The following NRG1 variants were observed in gnomAD, a reference collection of about 807,000 sequenced individuals.
The protein encoded by NRG1 is pro-neuregulin-1, membrane-bound isoform.
Under a neutral mutation model 63.8 loss-of-function variants are expected in NRG1, and 18 were observed. That is an observed-to-expected ratio of 0.28 (90% confidence interval 0.19 to 0.42). The LOEUF (loss-of-function observed/expected upper bound fraction) is 0.42, where lower values mean the gene tolerates loss of function less well. NRG1 is among the 10% of genes least tolerant of loss of function. The probability of loss-of-function intolerance (pLI) is 1.00; values close to 1 mark genes in which losing one functional copy is unlikely to be tolerated. For missense variants in NRG1, 762 were observed against 814.7 expected, an observed-to-expected ratio of 0.94 and a Z score of 0.79; for synonymous variants, 302 against 301.3, an observed-to-expected ratio of 1.00 and a Z score of -0.02.
intron 1 of NRG1, among the ~76,000 whole-genome samples, chr8:32,570,523 A>G (rs989691913): frequency 2.0e-5 from 3 of 152,298 alleles, no homozygotes; most frequent in South Asian, 2.1e-4. Context: ...GGTGTTGTCC[A>G]CTACTTGAAC....
intron 6 of NRG1, among the ~76,000 whole-genome samples, chr8:32,731,649 GT>G (rs1823702893): frequency 6.6e-6 from 1 of 151,986 alleles, no homozygotes; most frequent in African/African-American, 2.4e-5. Context: ...TTTAAATCCT[GT>G]ATGTAAAATA....
At chr8:32,315,207 C>T (rs79013360) in intron 1 of NRG1, among the ~76,000 whole-genome samples, 1 of 152,172 alleles carries the variant, frequency 6.6e-6, no homozygotes, top group African/African-American at 2.4e-5. Flanking sequence ...GCCCCACACG[C>T]ATTAGCTGTT....
At chr8:32,401,106 A>T (rs1813131134) in intron 1 of NRG1, among the ~76,000 whole-genome samples, 1 of 152,136 alleles carries the variant, frequency 6.6e-6, no homozygotes, top group Non-Finnish European at 1.5e-5. Flanking sequence ...ACCTATGGAT[A>T]CATGGAGGGG....
chr8:31,657,970 A>G (rs529143884), intron 1 of NRG1, among the ~76,000 whole-genome samples: 1 of 152,300 alleles, frequency 6.6e-6, no homozygotes, highest in African/African-American at 2.4e-5. Context: ...CAACGTGGGT[A>G]CCTGTTGCTA....
At chr8:31,650,011 C>T (rs939295901) in intron 1 of NRG1, among the ~76,000 whole-genome samples, 26 of 152,124 alleles carry the variant, frequency 1.7e-4, no homozygotes, top group African/African-American at 6.0e-4. Context: ...CAGGGTCTTG[C>T]TCTGTCATCC....
At chr8:32,251,960 G>A (rs1258374681) in intron 1 of NRG1, among the ~76,000 whole-genome samples, 4 of 151,862 alleles carry the variant, frequency 2.6e-5, no homozygotes, top group East Asian at 1.9e-4. Context: ...CAGTGATGAC[G>A]ATTTTTTCAT....
intron 1 of NRG1, among the ~76,000 whole-genome samples, chr8:31,707,585 A>G (rs887935438): frequency 6.6e-6 from 1 of 152,136 alleles, no homozygotes; most frequent in Non-Finnish European, 1.5e-5. Context: ...TGCTGTCTTT[A>G]TGATCTCGAA....
intron 1 of NRG1, among the ~76,000 whole-genome samples, chr8:32,261,358 A>AGTGTGTGTGTGTGTGTGTGT (rs3055547): frequency 6.7e-6 from 1 of 148,264 alleles, no homozygotes; most frequent in African/African-American, 2.5e-5. Flanking sequence ...TGCTCCTATT[A>AGTGTGTGTGTGTGTGTGTGT]GTGTGTGTGT....
chr8:31,981,333 C>G (rs1383889), intron 1 of NRG1, among the ~76,000 whole-genome samples: 128,799 of 152,042 alleles, frequency 0.85, 55,433 homozygotes, highest in African/African-American at 0.96. Context: ...CCTAAAAAAA[C>G]CCACTTGTAA....
chr8:32,558,858 T>A (rs545237901), intron 1 of NRG1, among the ~76,000 whole-genome samples: 1 of 151,918 alleles, frequency 6.6e-6, no homozygotes, highest in South Asian at 2.1e-4. Context: ...AAGTGGGAGA[T>A]CTCTTGAACT....
chr8:32,689,046 G>A (rs1290566676), intron 5 of NRG1, among the ~76,000 whole-genome samples: 2 of 152,118 alleles, frequency 1.3e-5, no homozygotes. Flanking sequence ...AAGCAAGATA[G>A]TATCTTGAAT....
chr8:32,753,913 G>A (rs1166563770), intron 7 of NRG1, among the ~76,000 whole-genome samples: 1 of 152,070 alleles, frequency 6.6e-6, no homozygotes, highest in Non-Finnish European at 1.5e-5. Context: ...AAGAGGGGAG[G>A]AAGGAGGAAG....
intron 1 of NRG1, among the ~76,000 whole-genome samples, chr8:32,344,372 T>TTCTTTTTCTTTCTTTCTTTCTTCC (rs1554513683): frequency 0.045 from 2,656 of 58,682 alleles, 130 homozygotes; most frequent in Non-Finnish European, 0.07. Flanking sequence ...CTTTCTTTCT[T>TTCTTTTTCTTTCTTTCTTTCTTCC]TCTTTCTTTC....
At chr8:32,265,982 G>T (rs532088086) in intron 1 of NRG1, among the ~76,000 whole-genome samples, 2 of 152,110 alleles carry the variant, frequency 1.3e-5, no homozygotes, top group Non-Finnish European at 2.9e-5. Context: ...CAAATACTAC[G>T]CCGTTTTACA....
chr8:32,009,774 G>T (rs1174290096), intron 1 of NRG1, among the ~76,000 whole-genome samples: 2 of 151,884 alleles, frequency 1.3e-5, no homozygotes, highest in Non-Finnish European at 2.9e-5. Context: ...GATTATGTTG[G>T]AGTTTATTGT....
chr8:31,639,261 C>G, exon 1 of NRG1: 1 of 1,103,138 alleles, frequency 9.1e-7, no homozygotes, highest in Non-Finnish European at 1.3e-6. Flanking sequence ...CCTCCGCAGC[C>G]CACTCGGACT....
intron 1 of NRG1, among the ~76,000 whole-genome samples, chr8:32,347,224 C>T (rs1332708211): frequency 6.6e-6 from 1 of 152,110 alleles, no homozygotes. Flanking sequence ...ATAATTTCCC[C>T]ACTATAATAT....
At chr8:32,396,459 T>A (rs1408737349) in intron 1 of NRG1, among the ~76,000 whole-genome samples, 1 of 152,316 alleles carries the variant, frequency 6.6e-6, no homozygotes, top group East Asian at 1.9e-4. Flanking sequence ...ATTTATCTAT[T>A]TATTTAGAGA....
At chr8:31,951,991 G>C (rs1308006198) in intron 1 of NRG1, among the ~76,000 whole-genome samples, 5 of 152,086 alleles carry the variant, frequency 3.3e-5, no homozygotes, top group Non-Finnish European at 5.9e-5. Context: ...TTTAAATTTG[G>C]AACTCAGCAA....
Sources: gnomAD v4.1 joint callset for allele counts (sites outside exome capture counted in the v4.1 genomes callset) on GRCh38, gnomAD v4.1.1 for gene constraint, MANE v1.5 for transcripts, NCBI Gene and HGNC (gene_info 2026-07-23, HGNC 2026-07-21) for gene names.